SAMTOR: variants seen among roughly 807,000 people sequenced by gnomAD.
The protein encoded by SAMTOR is S-adenosylmethionine sensor upstream of mTORC1.
At chr7:112,821,901 T>A in the SAMTOR span, 1 of 1,613,180 alleles carries the variant, frequency 6.2e-7, no homozygotes, top group Non-Finnish European at 8.5e-7. Flanking sequence ...GCAGGAAGGG[T>A]TAGAATATTC....
At chr7:112,927,984 C>G in the SAMTOR span, among the ~76,000 whole-genome samples, 1 of 151,838 alleles carries the variant, frequency 6.6e-6, no homozygotes, top group Non-Finnish European at 1.5e-5. Context: ...CTAAACTCAC[C>G]TTCAAAAACA....
At chr7:112,831,195 T>C in the SAMTOR span, among the ~76,000 whole-genome samples, 2 of 152,302 alleles carry the variant, frequency 1.3e-5, no homozygotes, top group East Asian at 3.9e-4. Context: ...TTTGTAAAAA[T>C]TTTTATGTCT....
the SAMTOR span, among the ~76,000 whole-genome samples, chr7:112,831,411 C>T: frequency 6.6e-6 from 1 of 152,188 alleles, no homozygotes; most frequent in Admixed American, 6.5e-5. Context: ...AATCCCAGCA[C>T]TTTGGGAGGT....
the SAMTOR span, among the ~76,000 whole-genome samples, chr7:112,823,515 AG>A: frequency 1.8e-4 from 28 of 152,158 alleles, no homozygotes; most frequent in Admixed American, 1.6e-3. Flanking sequence ...TTTAAATTGC[AG>A]AATGGTATCC....
chr7:112,834,373 T>C, the SAMTOR span, among the ~76,000 whole-genome samples: 1 of 152,098 alleles, frequency 6.6e-6, no homozygotes, highest in East Asian at 1.9e-4. Flanking sequence ...TTCCCATGGA[T>C]ACACTTTACT....
the SAMTOR span, among the ~76,000 whole-genome samples, chr7:112,846,993 T>C: frequency 6.6e-6 from 1 of 152,222 alleles, no homozygotes; most frequent in Non-Finnish European, 1.5e-5. Context: ...TGGTTTCTCT[T>C]AGATTTACTC....
the SAMTOR span, among the ~76,000 whole-genome samples, chr7:112,864,302 T>C: frequency 6.6e-6 from 1 of 152,056 alleles, no homozygotes; most frequent in Non-Finnish European, 1.5e-5. Context: ...AATACCTGGG[T>C]GATGAAATAA....
At chr7:112,871,920 C>G in the SAMTOR span, among the ~76,000 whole-genome samples, 1 of 152,178 alleles carries the variant, frequency 6.6e-6, no homozygotes, top group Non-Finnish European at 1.5e-5. Flanking sequence ...TAAAAACACA[C>G]AATGTCCAAA....
chr7:112,935,280 A>T, the SAMTOR span: 1 of 424,080 alleles, frequency 2.4e-6, no homozygotes, highest in Non-Finnish European at 4.6e-6. Flanking sequence ...GAAAAAAAAT[A>T]AGAAAAGTTC....
chr7:112,938,557 G>C, the SAMTOR span, among the ~76,000 whole-genome samples: 1 of 152,148 alleles, frequency 6.6e-6, no homozygotes, highest in Non-Finnish European at 1.5e-5. Flanking sequence ...TATTAACTAA[G>C]TATAGGACTA....
chr7:112,833,923 T>A, the SAMTOR span, among the ~76,000 whole-genome samples: 4 of 152,218 alleles, frequency 2.6e-5, no homozygotes, highest in African/African-American at 9.6e-5. Context: ...CCCTCCCTGA[T>A]GACATCCCCC....
chr7:112,834,218 T>G, the SAMTOR span, among the ~76,000 whole-genome samples: 2 of 152,180 alleles, frequency 1.3e-5, no homozygotes, highest in Non-Finnish European at 2.9e-5. Context: ...TATTCAATCT[T>G]CAAATTCATG....
the SAMTOR span, among the ~76,000 whole-genome samples, chr7:112,930,002 G>A: frequency 6.6e-6 from 1 of 151,916 alleles, no homozygotes; most frequent in Non-Finnish European, 1.5e-5. Flanking sequence ...AAAAATACAT[G>A]AGTATCAAAA....
At chr7:112,902,118 G>A in the SAMTOR span, among the ~76,000 whole-genome samples, 2 of 152,144 alleles carry the variant, frequency 1.3e-5, no homozygotes, top group East Asian at 3.9e-4. Flanking sequence ...GGTGGTGGTT[G>A]CAGGCCGGGC....
the SAMTOR span, among the ~76,000 whole-genome samples, chr7:112,924,114 A>T: frequency 6.6e-6 from 1 of 152,086 alleles, no homozygotes; most frequent in Non-Finnish European, 1.5e-5. Context: ...TAATGGGTGC[A>T]GCACACCAGC....
the SAMTOR span, among the ~76,000 whole-genome samples, chr7:112,845,182 CA>C: frequency 6.6e-6 from 1 of 152,044 alleles, no homozygotes; most frequent in African/African-American, 2.4e-5. Context: ...TAGGAATATG[CA>C]AAGGTTTCAT....
At chr7:112,867,417 C>A in the SAMTOR span, among the ~76,000 whole-genome samples, 1 of 152,092 alleles carries the variant, frequency 6.6e-6, no homozygotes, top group Admixed American at 6.5e-5. Context: ...TTTTCTATTT[C>A]TCAAGGAAAT....
At chr7:112,912,318 AG>A in the SAMTOR span, among the ~76,000 whole-genome samples, 1 of 152,038 alleles carries the variant, frequency 6.6e-6, no homozygotes, top group Non-Finnish European at 1.5e-5. Flanking sequence ...CCTTTATTGA[AG>A]GTATAGCTAT....
the SAMTOR span, among the ~76,000 whole-genome samples, chr7:112,880,821 TTGTATG>T: frequency 6.6e-6 from 1 of 152,128 alleles, no homozygotes; most frequent in Non-Finnish European, 1.5e-5. Context: ...ACTTACAATT[TTGTATG>T]TGTATATTAT....
Sources: allele counts gnomAD v4.1 joint callset (sites outside exome capture counted in the v4.1 genomes callset), GRCh38; gene constraint gnomAD v4.1.1; transcripts MANE v1.5; gene names NCBI Gene and HGNC (gene_info 2026-07-23, HGNC 2026-07-21).